The following MACC1 variants were observed in gnomAD, a reference collection of about 807,000 sequenced individuals.
MACC1 encodes MET transcriptional regulator MACC1, also known as metastasis-associated in colon cancer protein 1.
MACC1 carries 79 observed loss-of-function variants against 70.7 expected under a neutral mutation model. The ratio of observed to expected loss-of-function variants is 1.12; its 90% CI spans 0.93 to 1.35. The LOEUF is 1.35. Among genes scored for constraint, MACC1 ranks in the 40% most tolerant of loss-of-function variants. MACC1 has a pLI of 0.00. For synonymous variants in MACC1, 361 were observed against 347.2 expected, an observed-to-expected ratio of 1.04 and a Z score of -0.44; for missense variants, 1,106 against 978.1, an observed-to-expected ratio of 1.13 and a Z score of -1.74.
At chr7:20,189,291 T>G (rs1303445596) in intron 1 of MACC1, among the ~76,000 whole-genome samples, 2 of 152,222 alleles carry the variant, frequency 1.3e-5, no homozygotes, top group Non-Finnish European at 2.9e-5. Flanking sequence ...TTATGTCCTA[T>G]CTCACCATAC....
At chr7:20,187,453 A>T (rs1782605209) in intron 1 of MACC1, among the ~76,000 whole-genome samples, 1 of 152,104 alleles carries the variant, frequency 6.6e-6, no homozygotes, top group East Asian at 1.9e-4. Context: ...AATCTGACAA[A>T]CTTCTTGTCC....
At chr7:20,210,141 C>T (rs1050583652) in intron 1 of MACC1, among the ~76,000 whole-genome samples, 3 of 151,452 alleles carry the variant, frequency 2.0e-5, no homozygotes, top group African/African-American at 7.2e-5. Flanking sequence ...TAAAGGTATG[C>T]ATCCTTGGTA....
At chr7:20,209,370 G>A (rs963043449) in intron 1 of MACC1, among the ~76,000 whole-genome samples, 1 of 152,248 alleles carries the variant, frequency 6.6e-6, no homozygotes, top group Non-Finnish European at 1.5e-5. Flanking sequence ...AAGGCCATAG[G>A]AGCCCACCTC....
In MACC1 at chr7:20,139,862, A is replaced by ACACACACG. The variant is rs1491502499; in HGVS notation, c.*1083_*1084insCGTGTGTG. ...CACACACACACACACACACACACAC[A>ACACACACG]TGTGTTTGCATGAGCATGCCAACAT... On this transcript the variant is annotated 3_prime_UTR_variant, in exon 7 of 7. Transcript: ENST00000400331. The ACACACACG allele has an allele frequency of 1.4e-5, 2 of 143,360 alleles. No individual in the cohort carries two copies. The highest frequency in any genetic ancestry group is 6.9e-5 in the Admixed American group (1 of 14,422). 8.9% of individuals were successfully genotyped at this position (143,360 alleles called of 1,614,324 possible).
chr7:20,189,650 C>T (rs1411824672), intron 1 of MACC1, among the ~76,000 whole-genome samples: 6 of 151,974 alleles, frequency 3.9e-5, no homozygotes, highest in Non-Finnish European at 8.8e-5. Flanking sequence ...AAGTAACATA[C>T]TTAAATTCCA....
chr7:20,176,294 C>T (rs10248788), intron 1 of MACC1, among the ~76,000 whole-genome samples: 18,395 of 151,850 alleles, frequency 0.12, 1,300 homozygotes, highest in Non-Finnish European at 0.15. Flanking sequence ...CAATAAAACT[C>T]GTAAAAATAA....
At chr7:20,144,558 A>G (rs2128100233) in intron 6 of MACC1, among the ~76,000 whole-genome samples, 1 of 152,302 alleles carries the variant, frequency 6.6e-6, no homozygotes, top group African/African-American at 2.4e-5. Context: ...TTTGTGTTCA[A>G]AATACCTCAT....
At chr7:20,206,358 C>T (rs1782910876) in intron 1 of MACC1, among the ~76,000 whole-genome samples, 1 of 152,034 alleles carries the variant, frequency 6.6e-6, no homozygotes, top group East Asian at 1.9e-4. Context: ...CAAAGGACAC[C>T]TTTCTATTTT....
chr7:20,190,060 C>G (rs549786524), intron 1 of MACC1, among the ~76,000 whole-genome samples: 3 of 152,250 alleles, frequency 2.0e-5, no homozygotes, highest in Admixed American at 1.3e-4. Flanking sequence ...CCTTCATGAC[C>G]TCATCACTTC....
Position 20,134,987 on chromosome 7 carries a change from C to T in MACC1, c.*5959G>A, listed in dbSNP as rs1781701192. 1 of 152,188 alleles carries T rather than the reference C, an allele frequency of 6.6e-6. No homozygotes were observed. The highest frequency in any genetic ancestry group is 1.5e-5 in the Non-Finnish European group (1 of 68,030). 9.4% of individuals were successfully genotyped at this position (152,188 alleles called of 1,614,324 possible). A position where few individuals can be genotyped will look rare whatever the true frequency, so the allele number is the denominator to read the frequency against. On this transcript the variant is annotated 3_prime_UTR_variant, in exon 7 of 7. Coordinates refer to ENST00000400331, the MANE Select transcript of MACC1 (RefSeq NM_182762.4). ...GATCCTTAGAAAGAACATCCGATCA[C>T]CTTATTAACACTTTCTAATTCTACA...
chr7:20,182,506 T>C (rs1345090978), intron 1 of MACC1, among the ~76,000 whole-genome samples: 1 of 152,178 alleles, frequency 6.6e-6, no homozygotes, highest in Non-Finnish European at 1.5e-5. Context: ...AACCTTAATA[T>C]TATTGCACAA....
chr7:20,196,219 C>T lies in MACC1; in HGVS notation c.-218+21080G>A, dbSNP rs536406531. 1.3e-4 allele frequency among the ~76,000 whole-genome samples: 20 copies of T among 152,190 alleles called. 1 individual carries two copies. The highest frequency in any genetic ancestry group is 1.2e-3 in the Admixed American group (18 of 15,286). ...TTTTTTTGAGATGGATTCTCGCTGT[C>T]TCCCAGGCTGGAGTGCAGTGGCGCC... is the stretch of plus-strand genomic sequence containing the variant. On this transcript the variant is annotated intron_variant, in intron 1 of 6. Transcript: ENST00000400331.
In MACC1 at chr7:20,161,656, C is replaced by G. The variant is rs1348019231; in HGVS notation, c.115+92G>C. 5.4e-6 allele frequency: 4 copies of G among 735,394 alleles called. No homozygotes were observed. In the East Asian group the frequency reaches 1.0e-4, roughly 19 times the overall value. The allele number at this position is 735,394 out of a possible 1,614,324, so 45.6% of individuals were successfully genotyped here. ...AAGATTTTATAATTCTTTTCATCTTCCAGCATTTTCAGAGGTAGACCTTCA... is the reference window on the plus strand; with the variant it reads ...AAGATTTTATAATTCTTTTCATCTTGCAGCATTTTCAGAGGTAGACCTTCA... On this transcript the variant is annotated intron_variant, in intron 4 of 6. Coordinates refer to ENST00000400331, the MANE Select transcript of MACC1 (RefSeq NM_182762.4).
At chr7:20,209,194 T>C (rs755811713) in intron 1 of MACC1, among the ~76,000 whole-genome samples, 1 of 152,218 alleles carries the variant, frequency 6.6e-6, no homozygotes, top group Non-Finnish European at 1.5e-5. Context: ...TCTGGGGCAC[T>C]GCCCAGTGGA....
At chr7:20,190,156 T>G (rs1782651573) in intron 1 of MACC1, among the ~76,000 whole-genome samples, 1 of 152,240 alleles carries the variant, frequency 6.6e-6, no homozygotes, top group Non-Finnish European at 1.5e-5. Context: ...CAGTCCACAA[T>G]GGAAAGCTAT....
intron 1 of MACC1, among the ~76,000 whole-genome samples, chr7:20,188,908 G>C (rs1051043453): frequency 1.3e-5 from 2 of 152,212 alleles, no homozygotes; most frequent in African/African-American, 4.8e-5. Context: ...AAAAGCTAAA[G>C]TTATATAGCC....
At chr7:20,213,652 T>A (rs1446648291) in intron 1 of MACC1, among the ~76,000 whole-genome samples, 1 of 152,116 alleles carries the variant, frequency 6.6e-6, no homozygotes, top group Non-Finnish European at 1.5e-5. Flanking sequence ...GAGGCTATCA[T>A]AAACAGAAAA....
chr7:20,206,578 G>A (rs1782913109), intron 1 of MACC1, among the ~76,000 whole-genome samples: 1 of 152,078 alleles, frequency 6.6e-6, no homozygotes, highest in Admixed American at 6.5e-5. Flanking sequence ...CTAATCTTAT[G>A]CTGCAGTTCT....
At chr7:20,209,511 C>T (rs1782964992) in intron 1 of MACC1, among the ~76,000 whole-genome samples, 1 of 152,236 alleles carries the variant, frequency 6.6e-6, no homozygotes, top group East Asian at 1.9e-4. Flanking sequence ...TGGCCAATTT[C>T]TCCCATTTGG....
Sources: allele counts gnomAD v4.1 joint callset (sites outside exome capture counted in the v4.1 genomes callset), GRCh38; gene constraint gnomAD v4.1.1; transcripts MANE v1.5; gene names NCBI Gene and HGNC (gene_info 2026-07-23, HGNC 2026-07-21).